Variants in PIP4K2A observed in about 807,000 individuals in gnomAD.
The protein encoded by PIP4K2A is phosphatidylinositol 5-phosphate 4-kinase type-2 alpha.
A neutral mutation model predicts 42.9 loss-of-function variants in PIP4K2A; 14 were observed. That is an observed-to-expected ratio of 0.33 (90% CI 0.22 to 0.51). PIP4K2A has a LOEUF of 0.51. Among genes scored for constraint, PIP4K2A ranks in the 20% least tolerant of loss-of-function variants. The pLI is 0.97. For missense variants in PIP4K2A, 434 were observed against 519.8 expected (o/e 0.83, Z 1.61); for synonymous variants, 192 against 192.2 (o/e 1.00, Z 0.01).
At chr10:22,671,482 G>A (rs1839449344) in intron 1 of PIP4K2A, among the ~76,000 whole-genome samples, 1 of 152,074 alleles carries the variant, frequency 6.6e-6, no homozygotes. Flanking sequence ...TAGGTCGCTG[G>A]AAGGTGGCAG....
At chr10:22,677,226 G>A (rs753187818) in intron 1 of PIP4K2A, among the ~76,000 whole-genome samples, 1 of 151,960 alleles carries the variant, frequency 6.6e-6, no homozygotes, top group Non-Finnish European at 1.5e-5. Flanking sequence ...TTCACTGGGT[G>A]CACTCCGGGC....
At position 22,560,944 on chromosome 10, in the gene PIP4K2A, G is replaced by A. The variant is rs114521869; in HGVS notation, c.678+6907C>T. ...CTTTTACTTCCCCAGGTCCCCTGCT[G>A]AGTCGCTCGCTAGCAGGCAGCATGC... On this transcript the variant is annotated intron_variant, in intron 6 of 9. Coordinates refer to ENST00000376573, the MANE Select transcript of PIP4K2A (RefSeq NM_005028.5). Among the ~76,000 whole-genome samples, 1,436 of 152,328 alleles carry A rather than the reference G, an allele frequency of 9.4e-3. 30 individuals carry two copies. The highest frequency in any genetic ancestry group is 0.033 in the African/African-American group (1,379 of 41,570).
chr10:22,573,208 G>A, intron 5 of PIP4K2A, 103 bp downstream of exon 5: 1 of 1,025,672 alleles, frequency 9.7e-7, no homozygotes, highest in Admixed American at 1.9e-5. Context: ...GTAGCTTTAA[G>A]TGCTGAGCGG....
At chr10:22,683,365 G>A (rs1839699992) in intron 1 of PIP4K2A, among the ~76,000 whole-genome samples, 1 of 152,144 alleles carries the variant, frequency 6.6e-6, no homozygotes, top group South Asian at 2.1e-4. Context: ...CAGACCCCAA[G>A]TTTTCGCAAC....
chr10:22,648,787 T>C (rs899487672), intron 1 of PIP4K2A, among the ~76,000 whole-genome samples: 3 of 152,210 alleles, frequency 2.0e-5, no homozygotes, highest in Non-Finnish European at 4.4e-5. Flanking sequence ...AGAAGCAACT[T>C]TGCCAGACCA....
intron 1 of PIP4K2A, among the ~76,000 whole-genome samples, chr10:22,676,497 T>C (rs1390802603): frequency 6.6e-6 from 1 of 152,076 alleles, no homozygotes; most frequent in East Asian, 1.9e-4. Context: ...AAGAGGGGCA[T>C]TCTAAAAATC....
chr10:22,565,384 CTAAAT>C (rs1193114840), intron 6 of PIP4K2A, among the ~76,000 whole-genome samples: 1 of 152,206 alleles, frequency 6.6e-6, no homozygotes, highest in African/African-American at 2.4e-5. Context: ...TATTAGTTCC[CTAAAT>C]TAATACTTTT....
intron 1 of PIP4K2A, among the ~76,000 whole-genome samples, chr10:22,631,418 C>T (rs1366370255): frequency 6.6e-6 from 1 of 152,122 alleles, no homozygotes; most frequent in African/African-American, 2.4e-5. Context: ...CCCAGGCCCA[C>T]CATGTGAGGA....
intron 4 of PIP4K2A, among the ~76,000 whole-genome samples, chr10:22,578,545 G>A (rs769755803): frequency 2.6e-5 from 4 of 152,072 alleles, no homozygotes; most frequent in Non-Finnish European, 5.9e-5. Flanking sequence ...CTGCTCTTTG[G>A]CCAATGCTTC....
intron 1 of PIP4K2A, among the ~76,000 whole-genome samples, chr10:22,611,490 C>T (rs903785268): frequency 6.6e-6 from 1 of 151,036 alleles, no homozygotes. Flanking sequence ...CCTAGATACG[C>T]TGTAGTTAAA....
intron 1 of PIP4K2A, among the ~76,000 whole-genome samples, chr10:22,680,058 A>T (rs1031105905): frequency 6.6e-6 from 1 of 150,454 alleles, no homozygotes; most frequent in Non-Finnish European, 1.5e-5. Flanking sequence ...ACTTTATATC[A>T]TATGTGAATT....
intron 6 of PIP4K2A, among the ~76,000 whole-genome samples, chr10:22,554,102 C>CAA (rs1836476239): frequency 6.6e-6 from 1 of 152,042 alleles, no homozygotes; most frequent in Admixed American, 6.5e-5. Flanking sequence ...GATCGCGCCA[C>CAA]TGCACTCCAG....
intron 1 of PIP4K2A, among the ~76,000 whole-genome samples, chr10:22,713,302 G>A (rs1391666073): frequency 6.6e-6 from 1 of 152,122 alleles, no homozygotes; most frequent in Non-Finnish European, 1.5e-5. Flanking sequence ...CTTTCCACGC[G>A]TTCTCCAGCC....
chr10:22,604,546 C>G (rs1019260338), intron 3 of PIP4K2A, among the ~76,000 whole-genome samples: 4 of 152,140 alleles, frequency 2.6e-5, no homozygotes, highest in African/African-American at 9.7e-5. Flanking sequence ...AATGCCTGTT[C>G]CCCTTCAGCT....
chr10:22,655,214 T>C (rs1351358794), intron 1 of PIP4K2A, among the ~76,000 whole-genome samples: 2 of 152,234 alleles, frequency 1.3e-5, no homozygotes, highest in African/African-American at 2.4e-5. Context: ...TTTGACTCAA[T>C]TGAAACACTT....
At chr10:22,588,059 T>A (rs1387158396) in intron 4 of PIP4K2A, among the ~76,000 whole-genome samples, 2 of 152,248 alleles carry the variant, frequency 1.3e-5, no homozygotes, top group Non-Finnish European at 2.9e-5. Context: ...TACTCTTCAC[T>A]GCTGCTGTAT....
intron 3 of PIP4K2A, among the ~76,000 whole-genome samples, chr10:22,607,117 T>C (rs1837922522): frequency 6.6e-6 from 1 of 152,234 alleles, no homozygotes; most frequent in African/African-American, 2.4e-5. Flanking sequence ...ATTTTCTGAT[T>C]GGGATACTCA....
In PIP4K2A at chr10:22,664,060, TAC is replaced by T. The variant is rs1554807174; in HGVS notation, c.144+50121_144+50122del. ...ATATATATATATACATATGTATATATACATATATATATATACGTATATATATA... is the reference window on the plus strand; with the variant it reads ...ATATATATATATACATATGTATATATATATATATATATACGTATATATATA... On this transcript the variant is annotated intron_variant, in intron 1 of 9. Coordinates refer to ENST00000376573, the MANE Select transcript of PIP4K2A (RefSeq NM_005028.5). 5.7e-3 allele frequency among the ~76,000 whole-genome samples: 471 copies of T among 82,828 alleles called. 8 individuals are homozygous for T. Among genetic ancestry groups the T allele is most frequent in the African/African-American group, 0.04 (401 of 10,062 alleles). 54.3% of individuals were successfully genotyped at this position (82,828 alleles called of 152,430 possible).
chr10:22,609,033 T>C (rs750266490), intron 2 of PIP4K2A, among the ~76,000 whole-genome samples: 3 of 152,234 alleles, frequency 2.0e-5, no homozygotes, highest in African/African-American at 7.2e-5. Context: ...CACTGAACTA[T>C]AGCAGTTTGT....
Sources: allele counts gnomAD v4.1 joint callset (sites outside exome capture counted in the v4.1 genomes callset), GRCh38; gene constraint gnomAD v4.1.1; transcripts MANE v1.5; gene names NCBI Gene and HGNC (gene_info 2026-07-23, HGNC 2026-07-21).